MCHR2: variants seen among roughly 807,000 people sequenced by gnomAD.
MCHR2 encodes the protein melanin-concentrating hormone receptor 2.
In MCHR2, 15 loss-of-function variants were observed where a neutral mutation model predicts 24.8. The observed-to-expected ratio is 0.60, with a 90% confidence interval of 0.40 to 0.93. The LOEUF is 0.93. Among genes scored for constraint, MCHR2 ranks in the 40% least tolerant of loss-of-function variants. The probability of loss-of-function intolerance (pLI) is 0.00; values close to 1 mark genes in which losing one functional copy is unlikely to be tolerated. For missense variants in MCHR2, 386 were observed against 408.7 expected (o/e 0.94, Z 0.48); for synonymous variants, 151 against 147.6 (o/e 1.02, Z -0.17).
At chr6:99,951,619 T>C (rs1413448050) in intron 2 of MCHR2, among the ~76,000 whole-genome samples, 1 of 152,162 alleles carries the variant, frequency 6.6e-6, no homozygotes, top group Non-Finnish European at 1.5e-5. Context: ...CATGGTACTC[T>C]GGCATCGAAA....
chr6:99,945,203 C>T (rs1239867849), intron 3 of MCHR2, among the ~76,000 whole-genome samples: 1 of 152,204 alleles, frequency 6.6e-6, no homozygotes, highest in Non-Finnish European at 1.5e-5. Context: ...GGAGCCTTGA[C>T]TATTAGTTTA....
At chr6:99,985,162 T>G (rs1231078031) in intron 1 of MCHR2, among the ~76,000 whole-genome samples, 1 of 151,978 alleles carries the variant, frequency 6.6e-6, no homozygotes, top group Non-Finnish European at 1.5e-5. Context: ...AAAACACTGA[T>G]GAAAGAAATT....
intron 5 of MCHR2, among the ~76,000 whole-genome samples, chr6:99,922,082 A>G (rs1324561863): frequency 6.7e-6 from 1 of 150,026 alleles, no homozygotes; most frequent in Non-Finnish European, 1.5e-5. Context: ...CAAGCTTTTC[A>G]ACTTGTTGCG....
chr6:99,963,586 A>G (rs1775239254), intron 1 of MCHR2, among the ~76,000 whole-genome samples: 1 of 152,082 alleles, frequency 6.6e-6, no homozygotes, highest in African/African-American at 2.4e-5. Flanking sequence ...TTGCTGTAAA[A>G]TGTTGTGTTT....
intron 1 of MCHR2, among the ~76,000 whole-genome samples, chr6:99,978,466 T>C (rs1403941576): frequency 7.9e-6 from 1 of 126,002 alleles, no homozygotes; most frequent in Non-Finnish European, 1.6e-5. Context: ...TCTGTCAGGC[T>C]AGAGTGCAGT....
chr6:99,991,808 C>CAAAAAAAAAAAAAAAA (rs3038469), intron 1 of MCHR2, among the ~76,000 whole-genome samples: 3 of 82,062 alleles, frequency 3.7e-5, no homozygotes, highest in Non-Finnish European at 4.6e-5. Context: ...GACTCCGTCT[C>CAAAAAAAAAAAAAAAA]AAAAAAAAAA....
At chr6:99,947,107 A>C (rs568219688) in intron 3 of MCHR2, among the ~76,000 whole-genome samples, 1 of 152,128 alleles carries the variant, frequency 6.6e-6, no homozygotes, top group African/African-American at 2.4e-5. Context: ...GCTTACATGG[A>C]TGGTGAAAAG....
At chr6:99,983,186 G>A (rs1027350137) in intron 1 of MCHR2, among the ~76,000 whole-genome samples, 2 of 152,000 alleles carry the variant, frequency 1.3e-5, no homozygotes, top group African/African-American at 4.8e-5. Context: ...GTCCAGGTTG[G>A]CCTCAAACTC....
At chr6:99,981,173 C>G (rs937039631) in intron 1 of MCHR2, among the ~76,000 whole-genome samples, 2 of 152,138 alleles carry the variant, frequency 1.3e-5, no homozygotes, top group African/African-American at 4.8e-5. Flanking sequence ...ACTATTTTCA[C>G]TTTAAAAGTA....
At chr6:99,952,332 T>A (rs1774980523) in intron 2 of MCHR2, among the ~76,000 whole-genome samples, 1 of 152,136 alleles carries the variant, frequency 6.6e-6, no homozygotes, top group African/African-American at 2.4e-5. Context: ...ACATAGAACA[T>A]CTTATTCTTG....
Position 99,919,162 on chromosome 6 carries a change from CT to C in MCHR2, c.*1777del, listed in dbSNP as rs1456104127. Among the ~76,000 whole-genome samples the C allele has an allele frequency of 1.3e-5, 2 of 152,102 alleles. No individual in the cohort carries two copies. Among genetic ancestry groups the C allele is most frequent in the Non-Finnish European group, 2.9e-5 (2 of 68,020 alleles). Reference sequence around the variant, plus strand: ...ATTGACGTTTTATAGGAGCATCCAGCTGCATATGTAGGTCTCTAGACCTCAG... The same window carrying C: ...ATTGACGTTTTATAGGAGCATCCAGCGCATATGTAGGTCTCTAGACCTCAG... On this transcript the variant is annotated 3_prime_UTR_variant, in exon 6 of 6. Transcript: ENST00000281806.
chr6:99,935,800 A>G (rs1774646841), intron 4 of MCHR2, among the ~76,000 whole-genome samples: 1 of 151,692 alleles, frequency 6.6e-6, no homozygotes, highest in South Asian at 2.1e-4. Context: ...TTGTAACAAT[A>G]TATATTCCCA....
rs147997632 is a variant in MCHR2, at chr6:99,929,219, C to T, written c.707+5179G>A. On this transcript the variant is annotated intron_variant, in intron 5 of 5. Coordinates refer to ENST00000281806, the MANE Select transcript of MCHR2 (RefSeq NM_001040179.2). Reference sequence around the variant, plus strand: ...TCTGAGAGACAGTTTGCTATAATGTCTGATCTTTTACATTTGCTGAGGAGA... The same window carrying T: ...TCTGAGAGACAGTTTGCTATAATGTTTGATCTTTTACATTTGCTGAGGAGA... Among the ~76,000 whole-genome samples the T allele has an allele frequency of 2.4e-3, 358 of 152,266 alleles. 1 individual carries two copies. The highest frequency in any genetic ancestry group is 8.4e-3 in the African/African-American group (347 of 41,536).
Position 99,920,765 on chromosome 6 carries a change from TAA to T in MCHR2, c.*173_*174del, listed in dbSNP as rs1028831394. 1.6e-6 allele frequency: 1 copy of T among 644,118 alleles called. No homozygotes were observed. The highest frequency in any genetic ancestry group is 2.9e-5 in the Admixed American group (1 of 34,112). The allele number at this position is 644,118 out of a possible 1,614,324, so 39.9% of individuals were successfully genotyped here. A position where few individuals can be genotyped will look rare whatever the true frequency, so the allele number is the denominator to read the frequency against. ...TATAGATCAACATTTTACATCTTGC[TAA>T]AGTTAGCATATTAAGCTCATTGTAT... On this transcript the variant is annotated 3_prime_UTR_variant, in exon 6 of 6. Transcript: ENST00000281806.
chr6:99,978,666 C>T (rs1775606767), intron 1 of MCHR2, among the ~76,000 whole-genome samples: 1 of 152,072 alleles, frequency 6.6e-6, no homozygotes, highest in South Asian at 2.1e-4. Flanking sequence ...GATCTGCCCA[C>T]CTCGGCCTCC....
At chr6:99,931,637 G>A (rs527515402) in intron 5 of MCHR2, among the ~76,000 whole-genome samples, 87 of 152,234 alleles carry the variant, frequency 5.7e-4, no homozygotes, top group South Asian at 2.1e-3. Flanking sequence ...AGGACCCCCT[G>A]AGCCATGTGC....
intron 5 of MCHR2, among the ~76,000 whole-genome samples, chr6:99,926,994 T>G (rs1774377280): frequency 6.6e-6 from 1 of 152,216 alleles, no homozygotes; most frequent in African/African-American, 2.4e-5. Context: ...CTTTAATCCA[T>G]GTTGAATTAA....
At chr6:99,931,716 C>T (rs1399127136) in intron 5 of MCHR2, among the ~76,000 whole-genome samples, 3 of 152,162 alleles carry the variant, frequency 2.0e-5, no homozygotes, top group Admixed American at 6.5e-5. Context: ...GTGGGAGTGA[C>T]CCGATTTTCC....
chr6:99,941,032 G>A (rs569909478), intron 4 of MCHR2, among the ~76,000 whole-genome samples: 2 of 152,070 alleles, frequency 1.3e-5, no homozygotes, highest in African/African-American at 2.4e-5. Flanking sequence ...CAGAACTTAT[G>A]ATACTTCCCA....
Sources: allele counts gnomAD v4.1 joint callset (sites outside exome capture counted in the v4.1 genomes callset), GRCh38; gene constraint gnomAD v4.1.1; transcripts MANE v1.5; gene names NCBI Gene and HGNC (gene_info 2026-07-23, HGNC 2026-07-21).